Variants in GRM4 observed in about 807,000 individuals in gnomAD.
GRM4 encodes the protein metabotropic glutamate receptor 4.
Under a neutral mutation model 81.7 loss-of-function variants are expected in GRM4, and 28 were observed. That is an observed-to-expected ratio of 0.34 (90% CI 0.25 to 0.47). The LOEUF (loss-of-function observed/expected upper bound fraction) is 0.47. Ranked by LOEUF, GRM4 falls within the 20% of genes least tolerant of loss-of-function variation. GRM4 has a pLI of 1.00. For missense variants in GRM4, 948 were observed against 1,290.0 expected, an observed-to-expected ratio of 0.73 and a Z score of 4.06; for synonymous variants, 488 against 528.8, an observed-to-expected ratio of 0.92 and a Z score of 1.06.
In GRM4 at chr6:34,047,887, C is replaced by T. The variant is rs1765430709; in HGVS notation, c.1169-7139G>A. Among the ~76,000 whole-genome samples, 1 of 152,154 alleles carries T rather than the reference C, an allele frequency of 6.6e-6. No homozygotes were observed. The highest frequency in any genetic ancestry group is 1.5e-5 in the Non-Finnish European group (1 of 68,040). ...TGTGGTAGCATCGCCTGGGGCTCTT[C>T]AACCTTGAGCCAGCCACAGGCTCCT... On this transcript the variant is annotated intron_variant, in intron 6 of 10. Transcript: ENST00000538487. The surrounding 1 kb of genome is among the most constrained non-coding windows in gnomAD (Gnocchi z 4.5).
Position 34,059,172 on chromosome 6 carries a change from G to A in GRM4, c.873-44C>T, listed in dbSNP as rs761746180. 6 of 1,592,860 alleles carry A rather than the reference G, an allele frequency of 3.8e-6. No homozygotes were observed. Among genetic ancestry groups the A allele is most frequent in the East Asian group, 4.5e-5 (2 of 44,732 alleles). ...GCCCAGCCCAGCCGCGTCTGTCCAC[G>A]AAACTGCCCCCACTCCTGGCCACAC... On this transcript the variant is annotated intron_variant, in intron 4 of 10. Transcript: ENST00000538487. This position sits in a 1 kb window ranked among gnomAD's most constrained non-coding sequence, Gnocchi z 5.7.
chr6:34,044,321 C>T (rs1308437337), intron 6 of GRM4, among the ~76,000 whole-genome samples: 7 of 150,104 alleles, frequency 4.7e-5, no homozygotes, highest in South Asian at 2.1e-4. Context: ...TATACACAGA[C>T]ACACATACAC....
chr6:34,110,593 T>C, intron 2 of GRM4: 1 of 687,708 alleles, frequency 1.5e-6, no homozygotes. Flanking sequence ...AGAGAGGTTG[T>C]TGCTGAATAT....
chr6:34,022,729 C>A lies in GRM4; in HGVS notation c.*92G>T, dbSNP rs553696972. The A allele has an allele frequency of 1.6e-4, 184 of 1,181,334 alleles. No homozygotes were observed. Among genetic ancestry groups the A allele is most frequent in the Non-Finnish European group, 2.1e-4 (168 of 790,772 alleles). 73.2% of individuals were successfully genotyped at this position (1,181,334 alleles called of 1,614,324 possible). A position where few individuals can be genotyped will look rare whatever the true frequency, so the allele number is the denominator to read the frequency against. ...ACGTCCGTGGGTGCCCACGGGCAGG[C>A]AAGACAGCTGGGCCCTTGGGTGTGG... On this transcript the variant is annotated 3_prime_UTR_variant, in exon 11 of 11. Transcript: ENST00000538487. The surrounding 1 kb of genome is among the most constrained non-coding windows in gnomAD (Gnocchi z 5.6).
chr6:34,105,142 A>G (rs1316488409), intron 2 of GRM4, among the ~76,000 whole-genome samples: 4 of 152,160 alleles, frequency 2.6e-5, no homozygotes, highest in Admixed American at 2.6e-4. Context: ...AATGGGATAT[A>G]TTACCATTAT....
At chr6:34,027,705 A>G (rs1230249700) in intron 10 of GRM4, among the ~76,000 whole-genome samples, 1 of 152,170 alleles carries the variant, frequency 6.6e-6, no homozygotes, top group Non-Finnish European at 1.5e-5. Flanking sequence ...TCCTTCTCCC[A>G]GAGGGGCTGA....
intron 2 of GRM4, among the ~76,000 whole-genome samples, chr6:34,122,502 G>A (rs183536734): frequency 3.2e-4 from 49 of 151,910 alleles, no homozygotes; most frequent in Non-Finnish European, 6.5e-4. Context: ...AGGTCAATTG[G>A]AATATAAAGC....
intron 3 of GRM4, among the ~76,000 whole-genome samples, chr6:34,075,971 G>A (rs1389112076): frequency 2.0e-5 from 3 of 152,354 alleles, no homozygotes; most frequent in South Asian, 4.1e-4. Context: ...CGCTGGGCTA[G>A]TGGCAGAGAC....
At chr6:34,044,675 C>CACACAG (rs1554181767) in intron 6 of GRM4, among the ~76,000 whole-genome samples, 4 of 140,894 alleles carry the variant, frequency 2.8e-5, no homozygotes, top group African/African-American at 1.1e-4. Flanking sequence ...TACACAGACA[C>CACACAG]ACACACACAG....
At chr6:34,050,742 G>A (rs1049752345) in intron 6 of GRM4, among the ~76,000 whole-genome samples, 2 of 152,136 alleles carry the variant, frequency 1.3e-5, no homozygotes, top group African/African-American at 4.8e-5. Flanking sequence ...AGGCCTCCAG[G>A]CTCTGCCTTC....
chr6:34,040,635 A>G lies in GRM4; in HGVS notation c.1282T>C (p.Cys428Arg), dbSNP rs1456904821. 3 of 1,614,134 alleles carry G rather than the reference A, an allele frequency of 1.9e-6. No homozygotes were observed. The highest frequency in any genetic ancestry group is 2.7e-5 in the African/African-American group (2 of 75,054). ...GGGCAGAGCCCCACGCGGCCGGGAC[A>G]CAGGTCACGGTGCATGGCGTGCAGC... ...HALHAMHRDLCPGRVGLCPRM... is the reference protein window; with the variant it reads ...HALHAMHRDLRPGRVGLCPRM... The change falls in exon 7 of 11, where the codon TGT becomes CGT. Residue 428 changes from cysteine to arginine, a missense_variant. By Grantham distance (180) the Cys-to-Arg change is radical (BLOSUM62 -3). Coordinates refer to ENST00000538487, the MANE Select transcript of GRM4 (RefSeq NM_000841.4).
At chr6:34,098,305 C>T (rs147396038) in intron 2 of GRM4, among the ~76,000 whole-genome samples, 258 of 152,328 alleles carry the variant, frequency 1.7e-3, no homozygotes, top group Non-Finnish European at 3.2e-3. Context: ...CTGAGTATCT[C>T]ACCAGGAGAT....
intron 2 of GRM4, among the ~76,000 whole-genome samples, chr6:34,107,272 T>A (rs1769171102): frequency 6.6e-6 from 1 of 152,080 alleles, no homozygotes; most frequent in African/African-American, 2.4e-5. Context: ...ATGGTAAGCT[T>A]CCACTCCCTC....
Position 34,059,436 on chromosome 6 carries a change from A to C in GRM4, c.873-308T>G. On this transcript the variant is annotated intron_variant, in intron 4 of 10. Transcript: ENST00000538487. This position sits in a 1 kb window ranked among gnomAD's most constrained non-coding sequence, Gnocchi z 5.7. ...GACCACACCTCTCCCCTCCAGATCC[A>C]CACCCGCCCCACGTCTGACTCAGGC... 5.1e-6 allele frequency: 2 copies of C among 389,492 alleles called. No homozygotes were observed. The highest frequency in any genetic ancestry group is 4.8e-6 in the Non-Finnish European group (1 of 208,986). 24.1% of individuals were successfully genotyped at this position (389,492 alleles called of 1,614,324 possible). A position where few individuals can be genotyped will look rare whatever the true frequency, so the allele number is the denominator to read the frequency against.
At chr6:34,067,136 A>G (rs913664787) in intron 3 of GRM4, among the ~76,000 whole-genome samples, 2 of 152,286 alleles carry the variant, frequency 1.3e-5, no homozygotes, top group Non-Finnish European at 2.9e-5. Flanking sequence ...GGCTTCAGGC[A>G]TCCCCACGTG....
At position 34,068,101 on chromosome 6, in the gene GRM4, A is replaced by G. The variant is rs1233146209; in HGVS notation, c.737-6073T>C. 6.6e-6 allele frequency among the ~76,000 whole-genome samples: 1 copy of G among 152,224 alleles called. No individual in the cohort carries two copies. Among genetic ancestry groups the G allele is most frequent in the East Asian group, 1.9e-4 (1 of 5,190 alleles). On this transcript the variant is annotated intron_variant, in intron 3 of 10. Coordinates refer to ENST00000538487, the MANE Select transcript of GRM4 (RefSeq NM_000841.4). This position sits in a 1 kb window ranked among gnomAD's most constrained non-coding sequence, Gnocchi z 4.2. Reference sequence around the variant, plus strand: ...GTCCCAGGGTGGGAAGGAACCGTAAACATCCTGGAATCGGTGCAGAGGAGG... The same window carrying G: ...GTCCCAGGGTGGGAAGGAACCGTAAGCATCCTGGAATCGGTGCAGAGGAGG...
Position 34,102,133 on chromosome 6 carries a change from C to T in GRM4, c.520-10034G>A, listed in dbSNP as rs1292173588. The T allele has an allele frequency of 2.0e-5, 30 of 1,535,564 alleles. 1 individual carries two copies. The highest frequency in any genetic ancestry group is 1.7e-4 in the South Asian group (14 of 84,046). The stretch of plus-strand genomic sequence containing the variant: ...GAGTTTGCACCATCTTGCAGCCAGC[C>T]GGAAGGACTGGGGCATTTAAGGTGT... On this transcript the variant is annotated intron_variant, in intron 2 of 10. Coordinates refer to ENST00000538487, the MANE Select transcript of GRM4 (RefSeq NM_000841.4).
chr6:34,113,935 T>C (rs1244408542), intron 2 of GRM4, among the ~76,000 whole-genome samples: 1 of 152,126 alleles, frequency 6.6e-6, no homozygotes, highest in Non-Finnish European at 1.5e-5. Context: ...CCCTCCCCTC[T>C]GAGCAACCCC....
chr6:34,076,448 AC>A (rs1160129541), intron 3 of GRM4, among the ~76,000 whole-genome samples: 2 of 144,314 alleles, frequency 1.4e-5, no homozygotes, highest in African/African-American at 5.5e-5. Context: ...AATACAGAAA[AC>A]CGGGGGGCTG....
Sources: allele counts gnomAD v4.1 joint callset (sites outside exome capture counted in the v4.1 genomes callset), GRCh38; gene constraint gnomAD v4.1.1; non-coding constraint Gnocchi (gnomAD v3.1); transcripts MANE v1.5; gene names NCBI Gene and HGNC (gene_info 2026-07-23, HGNC 2026-07-21).